MALRD1: variants seen among roughly 807,000 people sequenced by gnomAD.
MALRD1 encodes MAM and LDL receptor class A domain containing 1.
In MALRD1, 247 loss-of-function variants were observed where a neutral mutation model predicts 242.1. The observed-to-expected ratio is 1.02, with a 90% CI of 0.92 to 1.13. The LOEUF is 1.13. Among genes scored for constraint, MALRD1 ranks in the 50% most tolerant of loss-of-function variants. MALRD1 has a pLI of 0.00. For synonymous variants in MALRD1, 995 were observed against 866.6 expected (o/e 1.15, Z -2.60); for missense variants, 2,989 against 2,533.1 (o/e 1.18, Z -3.86).
intron 26 of MALRD1, among the ~76,000 whole-genome samples, chr10:19,361,039 GAGGTGTGGT>G (rs1294982613): frequency 6.6e-6 from 1 of 151,992 alleles, no homozygotes; most frequent in Non-Finnish European, 1.5e-5. Flanking sequence ...CCCAAGACTG[GAGGTGTGGT>G]AGTCTGCTAT....
Position 19,088,134 on chromosome 10 carries a change from A to G in MALRD1, c.546A>G (p.Pro182=). ...QHLWQNTAAL[P]NQWERNVIKI... is the part of the protein sequence containing the mutation. Reference sequence around the variant, plus strand: ...TATGGCAAAACACAGCTGCACTCCCAAATCAGTGGGAGAGAAATGTCATCA... The same window carrying G: ...TATGGCAAAACACAGCTGCACTCCCGAATCAGTGGGAGAGAAATGTCATCA... Residue 182 remains proline (P), a synonymous_variant, in exon 4 of 40, where the codon CCA becomes CCG. Coordinates refer to ENST00000454679, the MANE Select transcript of MALRD1 (RefSeq NM_001142308.3). The G allele has an allele frequency of 8.1e-7, 1 of 1,233,544 alleles. No individual in the cohort carries two copies. Among genetic ancestry groups the G allele is most frequent in the Non-Finnish European group, 1.0e-6 (1 of 987,900 alleles). 76.4% of individuals were successfully genotyped at this position (1,233,544 alleles called of 1,614,324 possible). A position where few individuals can be genotyped will look rare whatever the true frequency, so the allele number is the denominator to read the frequency against.
At chr10:19,382,600 C>A (rs1299544243) in intron 26 of MALRD1, among the ~76,000 whole-genome samples, 1 of 151,998 alleles carries the variant, frequency 6.6e-6, no homozygotes. Flanking sequence ...GAAGTAAATA[C>A]TTGGGATTTA....
chr10:19,328,915 T>TGTAGAAGA (rs145246790), intron 23 of MALRD1, among the ~76,000 whole-genome samples: 6,193 of 152,214 alleles, frequency 0.041, 201 homozygotes, highest in African/African-American at 0.091. Context: ...AGCAAGAACA[T>TGTAGAAGA]GTAGAAGATT....
intron 29 of MALRD1, among the ~76,000 whole-genome samples, chr10:19,467,392 CAA>C (rs71387079): frequency 3.7e-5 from 2 of 53,762 alleles, no homozygotes; most frequent in Admixed American, 3.5e-4. Context: ...GACTCCGTCT[CAA>C]AAAAAAAAAA....
intron 36 of MALRD1, among the ~76,000 whole-genome samples, chr10:19,617,989 T>G (rs528177012): frequency 6.6e-6 from 1 of 152,102 alleles, no homozygotes; most frequent in African/African-American, 2.4e-5. Context: ...CCACCCTCCA[T>G]GCTTCAGTAG....
chr10:19,445,121 A>G (rs566206239), intron 28 of MALRD1, among the ~76,000 whole-genome samples: 80 of 152,282 alleles, frequency 5.3e-4, no homozygotes, highest in Admixed American at 9.2e-4. Flanking sequence ...TTGTGCATGT[A>G]TCACATAGCT....
rs866387706 is a variant in MALRD1 at position 19,328,001 on chromosome 10, A to G, written c.3687+328A>G. The stretch of plus-strand genomic sequence containing the variant: ...ATATATTCTCAGAGCTTGTACAGCA[A>G]TTAATTCTTTCAACCCTAATTTAAA... On this transcript the variant is annotated intron_variant, in intron 23 of 39. Coordinates refer to ENST00000454679, the MANE Select transcript of MALRD1 (RefSeq NM_001142308.3). Among the ~76,000 whole-genome samples the G allele has an allele frequency of 3.3e-5, 5 of 152,270 alleles. No homozygotes were observed. In the South Asian group the frequency reaches 8.3e-4, roughly 25 times the overall value.
intron 31 of MALRD1, among the ~76,000 whole-genome samples, chr10:19,517,433 G>A (rs1174049350): frequency 6.6e-6 from 1 of 152,198 alleles, no homozygotes; most frequent in East Asian, 1.9e-4. Flanking sequence ...TACACACAAG[G>A]AGGACCTGTT....
intron 1 of MALRD1, among the ~76,000 whole-genome samples, chr10:19,056,288 G>A (rs955343116): frequency 6.6e-6 from 1 of 151,112 alleles, no homozygotes. Context: ...AGTGCTATGG[G>A]CATTTTGACA....
intron 26 of MALRD1, among the ~76,000 whole-genome samples, chr10:19,374,624 A>G (rs1462942776): frequency 6.6e-6 from 1 of 152,198 alleles, no homozygotes; most frequent in Non-Finnish European, 1.5e-5. Context: ...ACACATGCAT[A>G]TATACTGAAG....
At chr10:19,443,729 C>A (rs1278910198) in intron 28 of MALRD1, among the ~76,000 whole-genome samples, 1 of 152,120 alleles carries the variant, frequency 6.6e-6, no homozygotes, top group Non-Finnish European at 1.5e-5. Context: ...CTGAGGAGTT[C>A]TTTACTTCCA....
intron 38 of MALRD1, chr10:19,710,193 T>C (rs1244340455): frequency 6.6e-6 from 1 of 152,168 alleles, no homozygotes. Context: ...TTTGGATGTC[T>C]ATATTTGTGA....
intron 29 of MALRD1, among the ~76,000 whole-genome samples, chr10:19,477,179 A>G (rs1216660078): frequency 6.6e-6 from 1 of 152,186 alleles, no homozygotes; most frequent in Non-Finnish European, 1.5e-5. Context: ...ACCTCATAAA[A>G]GGAATATATT....
chr10:19,459,369 G>A (rs555204303), intron 29 of MALRD1, among the ~76,000 whole-genome samples: 1 of 152,204 alleles, frequency 6.6e-6, no homozygotes, highest in Admixed American at 6.5e-5. Flanking sequence ...TCTACATTCA[G>A]TCATTGCCAG....
At chr10:19,624,570 A>T (rs1224031911) in intron 36 of MALRD1, among the ~76,000 whole-genome samples, 1 of 152,052 alleles carries the variant, frequency 6.6e-6, no homozygotes, top group Middle Eastern at 3.2e-3. Context: ...AGCAGTTAAG[A>T]TGAGGAGCAT....
At chr10:19,710,534 T>C (rs1441460011) in intron 38 of MALRD1, 1 of 151,444 alleles carries the variant, frequency 6.6e-6, no homozygotes, top group Admixed American at 6.6e-5. Context: ...TTCTTTGGTG[T>C]GTATACACAT....
intron 32 of MALRD1, among the ~76,000 whole-genome samples, chr10:19,562,340 GA>G (rs1836014515): frequency 7.2e-6 from 1 of 139,144 alleles, no homozygotes; most frequent in Non-Finnish European, 1.5e-5. Flanking sequence ...TAGATAGATA[GA>G]TAGTTAGATA....
At chr10:19,452,269 C>G (rs764567567) in intron 29 of MALRD1, among the ~76,000 whole-genome samples, 6 of 152,170 alleles carry the variant, frequency 3.9e-5, no homozygotes, top group Non-Finnish European at 7.4e-5. Flanking sequence ...TCTAGCTTTG[C>G]TAGTCTCATG....
At chr10:19,273,482 A>T (rs760817968) in intron 19 of MALRD1, among the ~76,000 whole-genome samples, 37 of 152,202 alleles carry the variant, frequency 2.4e-4, no homozygotes, top group Non-Finnish European at 4.6e-4. Context: ...CTTGGAAGCA[A>T]CCAGGATGTC....
Sources: allele counts gnomAD v4.1 joint callset (sites outside exome capture counted in the v4.1 genomes callset), GRCh38; gene constraint gnomAD v4.1.1; transcripts MANE v1.5; gene names NCBI Gene and HGNC (gene_info 2026-07-23, HGNC 2026-07-21).